PSIP1: variants seen among roughly 807,000 people sequenced by gnomAD.
The protein encoded by PSIP1 is PC4 and SRSF1 interacting protein 1.
PSIP1 carries 19 observed loss-of-function variants against 74.7 expected under a neutral mutation model. That is an observed-to-expected ratio of 0.25 (90% CI 0.18 to 0.37). PSIP1 has a LOEUF of 0.37. Ranked by LOEUF, PSIP1 falls within the 10% of genes least tolerant of loss-of-function variation. The pLI is 1.00. For missense variants in PSIP1, 601 were observed against 614.3 expected (o/e 0.98, Z 0.23); for synonymous variants, 222 against 195.3 (o/e 1.14, Z -1.14).
At position 15,466,355 on chromosome 9, in the gene PSIP1, GCAA is replaced by G. The variant is rs562847299; in HGVS notation, c.1532+390_1532+392del. Among the ~76,000 whole-genome samples, 618 of 152,290 alleles carry G rather than the reference GCAA, an allele frequency of 4.1e-3. 2 individuals are homozygous for G. Among genetic ancestry groups the G allele is most frequent in the Non-Finnish European group, 5.7e-3 (385 of 68,024 alleles). ...ATCGTGCCATTGCACTCCAGCCTGAGCAACAAGAGTGAAACTCTGTCTCAAAGA... is the reference window on the plus strand; with the variant it reads ...ATCGTGCCATTGCACTCCAGCCTGAGCAAGAGTGAAACTCTGTCTCAAAGA... On this transcript the variant is annotated intron_variant, in intron 15 of 15. Coordinates refer to ENST00000380733, the MANE Select transcript of PSIP1 (RefSeq NM_033222.5).
chr9:15,505,508 T>A (rs2037545524), intron 3 of PSIP1: 1 of 150,386 alleles, frequency 6.6e-6, no homozygotes, highest in Non-Finnish European at 1.5e-5. Flanking sequence ...TCCAAAGTTG[T>A]ATTTTTTTAA....
intron 6 of PSIP1, among the ~76,000 whole-genome samples, chr9:15,482,018 A>T (rs971072125): frequency 3.9e-5 from 6 of 152,118 alleles, no homozygotes; most frequent in African/African-American, 1.4e-4. Context: ...CTACAGATTT[A>T]TTTCTTCCAT....
chr9:15,501,037 T>C (rs961879763), intron 3 of PSIP1, among the ~76,000 whole-genome samples: 8 of 152,218 alleles, frequency 5.3e-5, no homozygotes, highest in Non-Finnish European at 8.8e-5. Context: ...TTCTAAGCAT[T>C]ATTCATGTCA....
intron 6 of PSIP1, among the ~76,000 whole-genome samples, chr9:15,480,076 A>G (rs908342397): frequency 6.6e-6 from 1 of 152,224 alleles, no homozygotes; most frequent in Admixed American, 6.5e-5. Context: ...TTTAGGAGTT[A>G]TTCTTATTTC....
intron 7 of PSIP1, 40 bp from the exon 8 acceptor site, chr9:15,478,592 T>A: frequency 7.8e-7 from 1 of 1,285,750 alleles, no homozygotes; most frequent in Non-Finnish European, 1.1e-6. Flanking sequence ...ACTACTAGTT[T>A]CTATTTAAGA....
At chr9:15,478,411 G>C (rs1004114213) in intron 8 of PSIP1, 66 bp downstream of exon 8, 2 of 1,171,614 alleles carry the variant, frequency 1.7e-6, no homozygotes, top group African/African-American at 1.5e-5. Context: ...AAATCGCAGA[G>C]ATATGTGCTT....
intron 9 of PSIP1, among the ~76,000 whole-genome samples, chr9:15,472,952 T>G (rs966178129): frequency 1.3e-5 from 2 of 152,202 alleles, no homozygotes; most frequent in African/African-American, 4.8e-5. Flanking sequence ...ATCATCTTGT[T>G]TTATGCCCTG....
chr9:15,474,646 A>G (rs2035997859), intron 8 of PSIP1, among the ~76,000 whole-genome samples: 1 of 152,184 alleles, frequency 6.6e-6, no homozygotes, highest in Non-Finnish European at 1.5e-5. Context: ...TGTGCTGACT[A>G]GCACCTAAGT....
chr9:15,479,490 G>A, intron 7 of PSIP1, 101 bp downstream of exon 7: 1 of 759,518 alleles, frequency 1.3e-6, no homozygotes, highest in Non-Finnish European at 2.1e-6. Context: ...ATAATCAATT[G>A]CCTATTTGCT....
chr9:15,476,274 A>C (rs2036073643), intron 8 of PSIP1, among the ~76,000 whole-genome samples: 1 of 152,210 alleles, frequency 6.6e-6, no homozygotes, highest in Non-Finnish European at 1.5e-5. Context: ...TGACACCAGG[A>C]CCAAAAACCT....
chr9:15,472,821 TGGGGG>T, intron 9 of PSIP1, 71 bp from the exon 10 acceptor site: 1 of 1,399,760 alleles, frequency 7.1e-7, no homozygotes, highest in Non-Finnish European at 9.7e-7. Flanking sequence ...ATTATAATCT[TGGGGG>T]AAAAGCAGCA....
chr9:15,489,067 GAAGT>G (rs1251156172), intron 4 of PSIP1, among the ~76,000 whole-genome samples: 1 of 152,040 alleles, frequency 6.6e-6, no homozygotes, highest in African/African-American at 2.4e-5. Context: ...ACACAAAGGA[GAAGT>G]AAGAGAACCA....
chr9:15,472,136 A>C (rs1283590233), intron 10 of PSIP1: 8 of 984,336 alleles, frequency 8.1e-6, no homozygotes, highest in Non-Finnish European at 9.6e-6. Flanking sequence ...TTTATATTGC[A>C]CATACATAAT....
intron 3 of PSIP1, among the ~76,000 whole-genome samples, chr9:15,503,567 TG>T (rs2037443672): frequency 6.6e-6 from 1 of 151,326 alleles, no homozygotes; most frequent in African/African-American, 2.4e-5. Context: ...GAAGTTGAGA[TG>T]GGAGGATCAC....
intron 3 of PSIP1, among the ~76,000 whole-genome samples, chr9:15,504,541 T>A (rs1399996867): frequency 2.0e-5 from 3 of 151,972 alleles, no homozygotes; most frequent in Non-Finnish European, 4.4e-5. Context: ...ATCGAGACCA[T>A]CCTGGCTAAC....
chr9:15,508,742 A>C (rs2037714675), intron 2 of PSIP1, among the ~76,000 whole-genome samples: 1 of 152,224 alleles, frequency 6.6e-6, no homozygotes, highest in South Asian at 2.1e-4. Context: ...TTATAGGTGC[A>C]TCATATATAC....
In PSIP1 at chr9:15,471,551, A is replaced by T. The variant is rs1157810715; in HGVS notation, c.977+1081T>A. 4.1e-6 allele frequency: 4 copies of T among 970,866 alleles called. No individual in the cohort carries two copies. The East Asian group carries it at 4.6e-4, about 111-fold the overall frequency. 60.1% of individuals were successfully genotyped at this position (970,866 alleles called of 1,614,324 possible). On this transcript the variant is annotated intron_variant, in intron 10 of 15. Transcript: ENST00000380733. ...CAACAGCTTTTCAGTGAAAAGATAG[A>T]ATAGAAAATGATAGGTGACAAAGAA...
chr9:15,497,100 G>A (rs2037110141), intron 3 of PSIP1, among the ~76,000 whole-genome samples: 1 of 151,790 alleles, frequency 6.6e-6, no homozygotes, highest in Non-Finnish European at 1.5e-5. Flanking sequence ...AAAAAAACTT[G>A]GACACAAATG....
intron 3 of PSIP1, among the ~76,000 whole-genome samples, chr9:15,503,817 G>A (rs2037456306): frequency 6.6e-6 from 1 of 152,056 alleles, no homozygotes; most frequent in Admixed American, 6.5e-5. Flanking sequence ...CACAATCTCG[G>A]CTCACCACAC....
Sources: allele counts gnomAD v4.1 joint callset (sites outside exome capture counted in the v4.1 genomes callset), GRCh38; gene constraint gnomAD v4.1.1; transcripts MANE v1.5; gene names NCBI Gene and HGNC (gene_info 2026-07-23, HGNC 2026-07-21).